MSI2: variants seen among roughly 807,000 people sequenced by gnomAD.
MSI2 encodes musashi RNA binding protein 2.
MSI2 carries 17 observed loss-of-function variants against 45.6 expected under a neutral mutation model. The ratio of observed to expected loss-of-function variants is 0.37; its 90% confidence interval spans 0.26 to 0.56. The LOEUF is 0.56. Ranked by LOEUF, MSI2 falls within the 20% of genes least tolerant of loss-of-function variation. The pLI is 0.77. For synonymous variants in MSI2, 156 were observed against 158.2 expected (o/e 0.99, Z 0.11); for missense variants, 293 against 444.2 (o/e 0.66, Z 3.06).
intron 7 of MSI2, among the ~76,000 whole-genome samples, chr17:57,564,733 G>A (rs192901003): frequency 9.0e-4 from 137 of 152,312 alleles, no homozygotes; most frequent in African/African-American, 3.1e-3. Flanking sequence ...TGTGGTTAAT[G>A]CTAAATTGTA....
rs796372385 is a variant in MSI2, at chr17:57,450,277, A to G, written c.405+48806A>G. On this transcript the variant is annotated intron_variant, in intron 6 of 13. Transcript: ENST00000284073. ...GCTTAAAGAAAGAAAGAAAGAAAGAAAGAAAGAAAGAAAGAAAGAAAGAAA... is the reference window on the plus strand; with the variant it reads ...GCTTAAAGAAAGAAAGAAAGAAAGAGAGAAAGAAAGAAAGAAAGAAAGAAA... 220 of 120,676 alleles carry G rather than the reference A, an allele frequency of 1.8e-3. 3 individuals carry two copies. Among genetic ancestry groups the G allele is most frequent in the African/African-American group, 7.0e-3 (206 of 29,306 alleles). 7.5% of individuals were successfully genotyped at this position (120,676 alleles called of 1,614,324 possible). A position where few individuals can be genotyped will look rare whatever the true frequency, so the allele number is the denominator to read the frequency against.
intron 11 of MSI2, among the ~76,000 whole-genome samples, chr17:57,674,272 GA>G (rs1222755808): frequency 4.0e-5 from 6 of 148,932 alleles, no homozygotes; most frequent in South Asian, 4.3e-4. Context: ...AGCCAGTGGG[GA>G]GGGGCGGGTG....
chr17:57,670,612 G>C (rs1473167485), intron 11 of MSI2, among the ~76,000 whole-genome samples: 1 of 152,212 alleles, frequency 6.6e-6, no homozygotes, highest in Non-Finnish European at 1.5e-5. Flanking sequence ...GCCGTCCTCG[G>C]TGAGATCGGT....
chr17:57,410,697 A>G (rs2084180388), intron 6 of MSI2, among the ~76,000 whole-genome samples: 1 of 152,076 alleles, frequency 6.6e-6, no homozygotes, highest in Non-Finnish European at 1.5e-5. Flanking sequence ...GATTAGTTGT[A>G]AATTAGAGAT....
At chr17:57,515,805 A>C (rs2086459060) in intron 6 of MSI2, among the ~76,000 whole-genome samples, 1 of 152,198 alleles carries the variant, frequency 6.6e-6, no homozygotes, top group African/African-American at 2.4e-5. Flanking sequence ...ACTTTATCCA[A>C]ATCAACAGAA....
intron 6 of MSI2, among the ~76,000 whole-genome samples, chr17:57,427,398 CAA>C (rs10709099): frequency 0.033 from 4,932 of 149,642 alleles, 102 homozygotes; most frequent in Middle Eastern, 0.048. Flanking sequence ...ACTCTGTCTC[CAA>C]AAAAAAAAAA....
chr17:57,393,787 T>G (rs2083839350), intron 5 of MSI2, among the ~76,000 whole-genome samples: 1 of 152,224 alleles, frequency 6.6e-6, no homozygotes, highest in African/African-American at 2.4e-5. Context: ...GTTCAAGTGA[T>G]TCTCCTGCCT....
chr17:57,473,375 G>T (rs910125233), intron 6 of MSI2, among the ~76,000 whole-genome samples: 2 of 152,230 alleles, frequency 1.3e-5, no homozygotes, highest in Non-Finnish European at 2.9e-5. Context: ...TCCCCAAAGA[G>T]AGATTTATTT....
At chr17:57,578,599 T>C (rs138949903) in intron 7 of MSI2, among the ~76,000 whole-genome samples, 215 of 152,016 alleles carry the variant, frequency 1.4e-3, no homozygotes, top group African/African-American at 4.9e-3. Context: ...CTCACCAAGG[T>C]AGAGGAGTGA....
intron 6 of MSI2, among the ~76,000 whole-genome samples, chr17:57,435,869 A>G (rs1020901503): frequency 2.0e-5 from 3 of 152,230 alleles, no homozygotes; most frequent in East Asian, 1.9e-4. Context: ...AATTTTATCC[A>G]TCCAGGAACT....
At chr17:57,376,960 C>G (rs369735441) in intron 5 of MSI2, among the ~76,000 whole-genome samples, 31 of 149,746 alleles carry the variant, frequency 2.1e-4, no homozygotes, top group Middle Eastern at 3.5e-3. Flanking sequence ...TCGCTCTGTC[C>G]CCCAGGCTGG....
intron 5 of MSI2, among the ~76,000 whole-genome samples, chr17:57,342,002 G>A (rs4573986): frequency 0.046 from 6,982 of 152,172 alleles, 208 homozygotes; most frequent in Non-Finnish European, 0.07. Context: ...TGATTTGCAT[G>A]TTAGAGCAGA....
At chr17:57,528,229 C>G (rs1020075857) in intron 6 of MSI2, among the ~76,000 whole-genome samples, 2 of 152,078 alleles carry the variant, frequency 1.3e-5, no homozygotes, top group African/African-American at 4.8e-5. Flanking sequence ...AGGGTGAGGA[C>G]AAACACCTGT....
chr17:57,431,153 C>T (rs537054949), intron 6 of MSI2, among the ~76,000 whole-genome samples: 3 of 152,174 alleles, frequency 2.0e-5, no homozygotes, highest in African/African-American at 2.4e-5. Context: ...AGAATTTATC[C>T]CTCCAGGCCC....
At chr17:57,610,459 A>G (rs1907145298) in intron 8 of MSI2, among the ~76,000 whole-genome samples, 1 of 98,514 alleles carries the variant, frequency 1.0e-5, no homozygotes, top group Non-Finnish European at 2.5e-5. Flanking sequence ...CTAAAAAAAA[A>G]AAAAATTCTA....
chr17:57,536,259 G>A (rs961333775), intron 7 of MSI2, among the ~76,000 whole-genome samples: 6 of 152,344 alleles, frequency 3.9e-5, no homozygotes, highest in Non-Finnish European at 5.9e-5. Flanking sequence ...AGGGAAGAAC[G>A]TTGGGACTGT....
At position 57,612,321 on chromosome 17, in the gene MSI2, C is replaced by T. The variant is rs1389393869; in HGVS notation, c.538-3649C>T. Among the ~76,000 whole-genome samples, 2 of 94,346 alleles carry T rather than the reference C, an allele frequency of 2.1e-5. 1 individual carries two copies. The highest frequency in any genetic ancestry group is 5.1e-5 in the Non-Finnish European group (2 of 39,400). The allele number at this position is 94,346 out of a possible 152,430, so 61.9% of individuals were successfully genotyped here. A position where few individuals can be genotyped will look rare whatever the true frequency, so the allele number is the denominator to read the frequency against. ...ATCTTTGGGTCCCCAAAGCCTAGCA[C>T]TTGCCTGGCGTGTTGAGTTCCTCCG... On this transcript the variant is annotated intron_variant, in intron 8 of 13. Transcript: ENST00000284073.
chr17:57,495,101 T>C (rs1010630291), intron 6 of MSI2, among the ~76,000 whole-genome samples: 14 of 152,030 alleles, frequency 9.2e-5, no homozygotes, highest in Non-Finnish European at 1.9e-4. Context: ...GAGTGAGCCC[T>C]ACAAGATGTC....
At chr17:57,341,827 G>C (rs1915188769) in intron 5 of MSI2, among the ~76,000 whole-genome samples, 1 of 152,074 alleles carries the variant, frequency 6.6e-6, no homozygotes, top group South Asian at 2.1e-4. Flanking sequence ...TGGAATTGAA[G>C]ACCTCCAGGG....
Sources: allele counts gnomAD v4.1 joint callset (sites outside exome capture counted in the v4.1 genomes callset), GRCh38; gene constraint gnomAD v4.1.1; transcripts MANE v1.5; gene names NCBI Gene and HGNC (gene_info 2026-07-23, HGNC 2026-07-21).